The following NAALADL2 variants were observed in gnomAD, a reference collection of about 807,000 sequenced individuals.
NAALADL2 encodes the protein inactive N-acetylated-alpha-linked acidic dipeptidase-like protein 2.
In NAALADL2, 76 loss-of-function variants were observed where a neutral mutation model predicts 87.2. That is an observed-to-expected ratio of 0.87 (90% CI 0.72 to 1.05). NAALADL2 has a LOEUF of 1.05. Ranked by LOEUF, NAALADL2 falls within the 50% of genes least tolerant of loss-of-function variation. The pLI, the probability that NAALADL2 is intolerant of heterozygous loss-of-function variation, is 0.00. For missense variants in NAALADL2, 1,089 were observed against 945.8 expected, an observed-to-expected ratio of 1.15 and a Z score of -1.99; for synonymous variants, 354 against 331.0, an observed-to-expected ratio of 1.07 and a Z score of -0.75.
At chr3:175,019,164 T>C (rs2108853686) in intron 1 of NAALADL2, among the ~76,000 whole-genome samples, 2 of 152,142 alleles carry the variant, frequency 1.3e-5, no homozygotes, top group South Asian at 4.1e-4. Context: ...TTATGTGGAC[T>C]ATGCTGCTGT....
chr3:174,521,743 T>C (rs1578075915), intron 1 of NAALADL2, among the ~76,000 whole-genome samples: 1 of 151,956 alleles, frequency 6.6e-6, no homozygotes, highest in South Asian at 2.1e-4. Flanking sequence ...TGAGTACACA[T>C]AGACATAAAG....
intron 1 of NAALADL2, among the ~76,000 whole-genome samples, chr3:174,931,007 G>A (rs1265766366): frequency 6.6e-6 from 1 of 152,030 alleles, no homozygotes; most frequent in Admixed American, 6.6e-5. Context: ...TAAAATACCA[G>A]ACATACTATC....
Position 174,618,913 on chromosome 3 carries a change from A to G in NAALADL2, c.-115+68276A>G, listed in dbSNP as rs140863943. Among the ~76,000 whole-genome samples the G allele has an allele frequency of 6.6e-5, 10 of 152,082 alleles. No homozygotes were observed. In the East Asian group the frequency reaches 1.9e-3, roughly 29 times the overall value. On this transcript the variant is annotated intron_variant, in intron 2 of 3. Coordinates refer to the NAALADL2 transcript ENST00000434257. ...GCTAACCACAATTTTTAGTAAAACCACATTCAAAGCAAAGGATATTTGAGG... is the reference window on the plus strand; with the variant it reads ...GCTAACCACAATTTTTAGTAAAACCGCATTCAAAGCAAAGGATATTTGAGG...
intron 13 of NAALADL2, among the ~76,000 whole-genome samples, chr3:175,761,731 C>T (rs535766313): frequency 1.1e-4 from 17 of 152,186 alleles, no homozygotes; most frequent in South Asian, 4.2e-4. Flanking sequence ...TGTTTGAATC[C>T]GCAGTTCCCC....
intron 11 of NAALADL2, chr3:175,718,191 T>A (rs1445330194): frequency 8.5e-7 from 1 of 1,181,320 alleles, no homozygotes; most frequent in African/African-American, 1.6e-5. Context: ...GGGAAGGGCC[T>A]GTGGTTTTTT....
intron 2 of NAALADL2, among the ~76,000 whole-genome samples, chr3:175,199,874 T>G (rs1290228215): frequency 2.8e-5 from 1 of 35,694 alleles, no homozygotes; most frequent in African/African-American, 9.4e-5. Flanking sequence ...ATTTTTTTTT[T>G]TTTTTTTTTT....
chr3:174,680,186 A>G (rs747046750), intron 2 of NAALADL2, among the ~76,000 whole-genome samples: 43 of 152,310 alleles, frequency 2.8e-4, no homozygotes, highest in Non-Finnish European at 5.6e-4. Flanking sequence ...GTTTCTTCTC[A>G]GTAGATTTAA....
chr3:175,547,360 C>T (rs373460994), intron 9 of NAALADL2, among the ~76,000 whole-genome samples: 7 of 152,136 alleles, frequency 4.6e-5, no homozygotes, highest in African/African-American at 1.7e-4. Flanking sequence ...ATTGGCTAGC[C>T]ATATGCAGAA....
chr3:174,823,270 T>C (rs1721624925), intron 3 of NAALADL2, among the ~76,000 whole-genome samples: 1 of 152,110 alleles, frequency 6.6e-6, no homozygotes, highest in African/African-American at 2.4e-5. Context: ...ACAGAACAAA[T>C]ACAGCTCCTT....
At chr3:175,154,247 C>A (rs1038779917) in intron 2 of NAALADL2, among the ~76,000 whole-genome samples, 1 of 151,936 alleles carries the variant, frequency 6.6e-6, no homozygotes, top group Non-Finnish European at 1.5e-5. Context: ...CCATGAAAAC[C>A]ATATATCATT....
intron 3 of NAALADL2, among the ~76,000 whole-genome samples, chr3:174,759,016 C>T (rs1332447158): frequency 6.6e-6 from 1 of 152,106 alleles, no homozygotes; most frequent in Non-Finnish European, 1.5e-5. Flanking sequence ...AACATTCTAT[C>T]TAGTTAAGAT....
rs149541530 is a variant in NAALADL2 at position 174,715,356 on chromosome 3, G to C, written c.-114-22285G>C. ...AGTGTTGTATATATGTTAATTATTTGTGCTTCCAATGTTTTACCAGACAGA... is the reference window on the plus strand; with the variant it reads ...AGTGTTGTATATATGTTAATTATTTCTGCTTCCAATGTTTTACCAGACAGA... On this transcript the variant is annotated intron_variant, in intron 2 of 3. Transcript: ENST00000434257. Among the ~76,000 whole-genome samples, 872 of 152,160 alleles carry C rather than the reference G, an allele frequency of 5.7e-3. 11 individuals carry two copies. The highest frequency in any genetic ancestry group is 0.01 in the Middle Eastern group (3 of 294).
At chr3:175,249,204 T>G (rs1748559662) in intron 3 of NAALADL2, among the ~76,000 whole-genome samples, 1 of 152,166 alleles carries the variant, frequency 6.6e-6, no homozygotes. Flanking sequence ...CACTTTTTGT[T>G]TCTTGGCATT....
chr3:174,832,318 T>C (rs1294099294), intron 3 of NAALADL2, among the ~76,000 whole-genome samples: 2 of 152,210 alleles, frequency 1.3e-5, no homozygotes, highest in Admixed American at 1.3e-4. Flanking sequence ...GTCTTTGTTC[T>C]CGTTGGTTTC....
chr3:174,479,523 C>T (rs1011069994), intron 1 of NAALADL2, among the ~76,000 whole-genome samples: 14 of 152,078 alleles, frequency 9.2e-5, no homozygotes, highest in African/African-American at 3.4e-4. Flanking sequence ...TTATGCACAA[C>T]AGCTTTAGAA....
At chr3:174,989,895 T>C (rs561837882) in intron 1 of NAALADL2, among the ~76,000 whole-genome samples, 5 of 152,314 alleles carry the variant, frequency 3.3e-5, no homozygotes, top group African/African-American at 1.2e-4. Flanking sequence ...ATAGTACTTT[T>C]TGTTTTAATT....
chr3:174,768,978 T>C (rs1714197888), intron 3 of NAALADL2, among the ~76,000 whole-genome samples: 1 of 152,098 alleles, frequency 6.6e-6, no homozygotes, highest in South Asian at 2.1e-4. Context: ...GGGTTGCTTT[T>C]CTTTTTTTCT....
At chr3:175,257,212 A>AAAAAAAAAG (rs1553839081) in intron 4 of NAALADL2, 1 of 145,352 alleles carries the variant, frequency 6.9e-6, no homozygotes. Context: ...AAAAAAAAAA[A>AAAAAAAAAG]ATTAGTGTAG....
chr3:175,296,497 AAAAGC>A, intron 4 of NAALADL2, among the ~76,000 whole-genome samples: 1 of 152,296 alleles, frequency 6.6e-6, no homozygotes, highest in African/African-American at 2.4e-5. Context: ...ATTTCTGCTT[AAAAGC>A]CACCATTATA....
Sources: allele counts gnomAD v4.1 joint callset (sites outside exome capture counted in the v4.1 genomes callset), GRCh38; gene constraint gnomAD v4.1.1; transcripts MANE v1.5; gene names NCBI Gene and HGNC (gene_info 2026-07-23, HGNC 2026-07-21).